Variants in MAGI1 observed in about 807,000 individuals in gnomAD.
The protein encoded by MAGI1 is membrane associated guanylate kinase, WW and PDZ domain containing 1, also known as membrane-associated guanylate kinase, WW and PDZ domain-containing protein 1.
Under a neutral mutation model 139.9 loss-of-function variants are expected in MAGI1, and 58 were observed. The observed-to-expected ratio is 0.41, with a 90% CI of 0.34 to 0.52. MAGI1 has a LOEUF of 0.52. Among genes scored for constraint, MAGI1 ranks in the 20% least tolerant of loss-of-function variants. The pLI is 0.12. For missense variants in MAGI1, 1,874 were observed against 1,901.6 expected, an observed-to-expected ratio of 0.99 and a Z score of 0.27; for synonymous variants, 812 against 737.9, an observed-to-expected ratio of 1.10 and a Z score of -1.63.
chr3:65,819,772 G>A (rs1001955439), intron 1 of MAGI1, among the ~76,000 whole-genome samples: 1 of 149,490 alleles, frequency 6.7e-6, no homozygotes, highest in African/African-American at 2.5e-5. Flanking sequence ...AGCTGCTCAG[G>A]AGGCTGAGGC....
At chr3:65,510,444 C>G (rs1446273520) in intron 2 of MAGI1, among the ~76,000 whole-genome samples, 4 of 147,244 alleles carry the variant, frequency 2.7e-5, no homozygotes, top group Admixed American at 6.8e-5. Context: ...ATAACCAATA[C>G]AGAGAAGTGC....
intron 1 of MAGI1, among the ~76,000 whole-genome samples, chr3:65,976,674 T>C (rs1306429558): frequency 6.6e-6 from 1 of 152,170 alleles, no homozygotes; most frequent in Non-Finnish European, 1.5e-5. Flanking sequence ...AGTTTGTCGA[T>C]GGCTAAAAAA....
intron 2 of MAGI1, among the ~76,000 whole-genome samples, chr3:65,587,142 T>C (rs191170862): frequency 1.1e-3 from 164 of 152,276 alleles, no homozygotes; most frequent in Non-Finnish European, 1.8e-3. Context: ...CTTTGCTACT[T>C]TTTTCTTAAT....
chr3:65,996,123 G>C (rs1273489115), intron 1 of MAGI1, among the ~76,000 whole-genome samples: 1 of 152,112 alleles, frequency 6.6e-6, no homozygotes. Flanking sequence ...TCATTAGTTA[G>C]GTAACACTAC....
intron 2 of MAGI1, among the ~76,000 whole-genome samples, chr3:65,586,397 A>C (rs1168628046): frequency 2.0e-5 from 3 of 152,192 alleles, no homozygotes; most frequent in African/African-American, 7.2e-5. Flanking sequence ...ACAAATGGTC[A>C]GTAGAAAATA....
At chr3:65,467,258 C>T (rs1368396716) in intron 5 of MAGI1, among the ~76,000 whole-genome samples, 2 of 152,066 alleles carry the variant, frequency 1.3e-5, no homozygotes, top group Non-Finnish European at 2.9e-5. Context: ...CTTCAACTTC[C>T]CAAAAACTAT....
chr3:65,364,384 T>C (rs993075515), intron 20 of MAGI1, among the ~76,000 whole-genome samples: 1 of 151,940 alleles, frequency 6.6e-6, no homozygotes, highest in Admixed American at 6.6e-5. Flanking sequence ...ATACTATGAG[T>C]AGATATTGGT....
In MAGI1 at chr3:65,388,051, T is replaced by C. The variant is rs529263093; in HGVS notation, c.2416+3091A>G. On this transcript the variant is annotated intron_variant, in intron 14 of 22. Coordinates refer to ENST00000402939, the MANE Select transcript of MAGI1 (RefSeq NM_001033057.2). ...CTGCATCGCTGTCGTTTTTAAGATG[T>C]GCACAATTCTAGAGAAACCATAAAA... Among the ~76,000 whole-genome samples, 14 of 152,372 alleles carry C rather than the reference T, an allele frequency of 9.2e-5. No homozygotes were observed. In the South Asian group the frequency reaches 2.9e-3, roughly 32 times the overall value.
chr3:65,453,484 A>G (rs1372079289), intron 5 of MAGI1, 144 bp from the exon 6 acceptor site: 4 of 644,264 alleles, frequency 6.2e-6, no homozygotes, highest in Non-Finnish European at 1.1e-5. Context: ...AAACCAGAAG[A>G]GAGCCTGAGT....
chr3:65,414,244 T>A (rs1946017899), intron 12 of MAGI1, among the ~76,000 whole-genome samples: 1 of 152,220 alleles, frequency 6.6e-6, no homozygotes, highest in Non-Finnish European at 1.5e-5. Context: ...TGGGGTGCCC[T>A]CGAGCACACT....
At chr3:65,790,149 G>A (rs961532707) in intron 1 of MAGI1, among the ~76,000 whole-genome samples, 1 of 152,174 alleles carries the variant, frequency 6.6e-6, no homozygotes, top group African/African-American at 2.4e-5. Flanking sequence ...GGCTAGGCAA[G>A]TTTACGCTTA....
chr3:65,472,415 C>T (rs765972754), intron 4 of MAGI1, among the ~76,000 whole-genome samples: 1 of 152,046 alleles, frequency 6.6e-6, no homozygotes, highest in African/African-American at 2.4e-5. Flanking sequence ...TTTTTAAGTA[C>T]CCAGGTGATG....
chr3:65,393,080 G>A (rs1255903439), intron 13 of MAGI1, among the ~76,000 whole-genome samples: 1 of 152,172 alleles, frequency 6.6e-6, no homozygotes, highest in Non-Finnish European at 1.5e-5. Flanking sequence ...TCTCTTTTGA[G>A]GATCAAGTGC....
intron 1 of MAGI1, among the ~76,000 whole-genome samples, chr3:65,652,759 A>G (rs2085657103): frequency 6.6e-6 from 1 of 152,168 alleles, no homozygotes; most frequent in Non-Finnish European, 1.5e-5. Context: ...ATGCAAGGCC[A>G]TGGCGAGGCT....
intron 18 of MAGI1, chr3:65,371,938 C>T (rs929586042): frequency 4.7e-5 from 21 of 445,314 alleles, no homozygotes; most frequent in African/African-American, 4.0e-4. Flanking sequence ...GCAGCTTCTT[C>T]CTCCACTGAA....
intron 21 of MAGI1, 45 bp downstream of exon 21, chr3:65,363,420 C>T: frequency 6.4e-7 from 1 of 1,558,018 alleles, no homozygotes; most frequent in East Asian, 2.3e-5. Context: ...GAATTCACTG[C>T]AGATGGTTTC....
chr3:65,689,688 C>A (rs2088402490), intron 1 of MAGI1, among the ~76,000 whole-genome samples: 1 of 152,114 alleles, frequency 6.6e-6, no homozygotes, highest in Non-Finnish European at 1.5e-5. Flanking sequence ...CAACTGCTTC[C>A]CACAGTGAAA....
chr3:65,609,106 A>G (rs889859397), intron 2 of MAGI1, among the ~76,000 whole-genome samples: 2 of 152,154 alleles, frequency 1.3e-5, no homozygotes, highest in African/African-American at 4.8e-5. Flanking sequence ...GTTCAATAAG[A>G]GGAGACACAA....
rs1435321182 is a variant in MAGI1, at chr3:65,379,328, C to G, written c.2928G>C (p.Gly976=). The G allele has an allele frequency of 6.2e-7, 1 of 1,613,262 alleles. No individual in the cohort carries two copies. Among genetic ancestry groups the G allele is most frequent in the African/African-American group, 1.3e-5 (1 of 74,870 alleles). The change falls in exon 17 of 23, where the codon GGG becomes GGC. Residue 976 remains glycine, a synonymous_variant. Coordinates refer to ENST00000402939, the MANE Select transcript of MAGI1 (RefSeq NM_001033057.2). ...VQPYDVEIRR[G]ENEGFGFVIV... is the part of the protein sequence containing the mutation. The stretch of plus-strand genomic sequence containing the variant: ...TGACGAAGCCGAAGCCCTCGTTCTC[C>G]CCGCGCCGGATCTCCACGTCGTAGG...
Sources: gnomAD v4.1 joint callset for allele counts (sites outside exome capture counted in the v4.1 genomes callset) on GRCh38, gnomAD v4.1.1 for gene constraint, MANE v1.5 for transcripts, NCBI Gene and HGNC (gene_info 2026-07-23, HGNC 2026-07-21) for gene names.